DDX1: variants seen among roughly 807,000 people sequenced by gnomAD.
DDX1 encodes ATP-dependent RNA helicase DDX1.
DDX1 carries 28 observed loss-of-function variants against 108.7 expected under a neutral mutation model. That is an observed-to-expected ratio of 0.26 (90% confidence interval 0.19 to 0.35). The LOEUF is 0.35. DDX1 is among the 10% of genes least tolerant of loss of function. DDX1 has a pLI of 1.00. For missense variants in DDX1, 710 were observed against 884.5 expected, an observed-to-expected ratio of 0.80 and a Z score of 2.50; for synonymous variants, 295 against 288.9, an observed-to-expected ratio of 1.02 and a Z score of -0.21.
chr2:15,619,535 C>A (rs540177630), intron 16 of DDX1, among the ~76,000 whole-genome samples: 1 of 152,214 alleles, frequency 6.6e-6, no homozygotes, highest in African/African-American at 2.4e-5. Flanking sequence ...CTGCTCCTGA[C>A]GGCCTGTTGC....
At chr2:15,614,746 A>G (rs1460026999) in intron 14 of DDX1, among the ~76,000 whole-genome samples, 1 of 152,194 alleles carries the variant, frequency 6.6e-6, no homozygotes, top group Non-Finnish European at 1.5e-5. Context: ...TTTTCTTTAT[A>G]AATTATCTAC....
Position 15,597,371 on chromosome 2 carries a change from A to G in DDX1, c.163-4A>G, listed in dbSNP as rs760094777. The G allele has an allele frequency of 1.9e-6, 3 of 1,569,492 alleles. No individual in the cohort carries two copies. The highest frequency in any genetic ancestry group is 2.6e-6 in the Non-Finnish European group (3 of 1,154,020). On this transcript the variant is annotated splice_polypyrimidine_tract_variant and splice_region_variant and intron_variant, in intron 4 of 25. Coordinates refer to ENST00000233084, the MANE Select transcript of DDX1 (RefSeq NM_004939.3). Reference sequence around the variant, plus strand: ...AATATAGATACCTTTTGTTTCTTTGATAGGCTTTTAGTATTCCAGTTATCC... The same window carrying G: ...AATATAGATACCTTTTGTTTCTTTGGTAGGCTTTTAGTATTCCAGTTATCC...
At chr2:15,596,240 G>A (rs534090418) in intron 3 of DDX1, among the ~76,000 whole-genome samples, 13 of 152,236 alleles carry the variant, frequency 8.5e-5, no homozygotes, top group Admixed American at 3.9e-4. Flanking sequence ...GCAAAACAGC[G>A]AATAGTAGAA....
At chr2:15,627,896 A>G (rs1234166082) in intron 20 of DDX1, among the ~76,000 whole-genome samples, 1 of 152,118 alleles carries the variant, frequency 6.6e-6, no homozygotes, top group African/African-American at 2.4e-5. Context: ...ATAAGTCAGT[A>G]TACCCTTCTT....
At chr2:15,625,056 G>A (rs1666078421) in intron 19 of DDX1, among the ~76,000 whole-genome samples, 2 of 152,142 alleles carry the variant, frequency 1.3e-5, no homozygotes, top group Non-Finnish European at 2.9e-5. Context: ...CACACTAAGT[G>A]TCCATCAGTA....
chr2:15,617,177 T>C, intron 14 of DDX1, 67 bp from the exon 15 acceptor site: 1 of 680,144 alleles, frequency 1.5e-6, no homozygotes. Context: ...CAGTTATTGG[T>C]TGCTATTTTA....
chr2:15,595,071 G>A (rs1665477288), intron 1 of DDX1, 74 bp from the exon 2 acceptor site: 2 of 1,176,588 alleles, frequency 1.7e-6, no homozygotes, highest in African/African-American at 3.1e-5. Flanking sequence ...CCTGTTTTAT[G>A]AATAGTAATT....
At chr2:15,606,472 G>T (rs35352575) in intron 12 of DDX1, among the ~76,000 whole-genome samples, 31,313 of 152,170 alleles carry the variant, frequency 0.21, 3,733 homozygotes, top group Admixed American at 0.27. Context: ...TTTTGGGATC[G>T]CAATCATAAC....
At position 15,593,904 on chromosome 2, in the gene DDX1, G is replaced by A. The variant is rs1665458057; in HGVS notation, c.17-1241G>A. On this transcript the variant is annotated intron_variant, in intron 1 of 25. Transcript: ENST00000233084. ...ATCCTGGCTAACACAGTGAAACCCCGTCTCTACTAAAAATATGAAAAAAAA... is the reference window on the plus strand; with the variant it reads ...ATCCTGGCTAACACAGTGAAACCCCATCTCTACTAAAAATATGAAAAAAAA... Among the ~76,000 whole-genome samples the A allele has an allele frequency of 2.0e-5, 3 of 151,842 alleles. No individual in the cohort carries two copies. The South Asian group carries it at 6.2e-4, about 32-fold the overall frequency.
At position 15,607,170 on chromosome 2, in the gene DDX1, C is replaced by T; in HGVS notation, c.818-5C>T. 3.1e-6 allele frequency: 5 copies of T among 1,613,036 alleles called. No individual in the cohort carries two copies. The highest frequency in any genetic ancestry group is 4.2e-6 in the Non-Finnish European group (5 of 1,179,452). On this transcript the variant is annotated splice_polypyrimidine_tract_variant and splice_region_variant and intron_variant, in intron 12 of 25. Transcript: ENST00000233084. ...AATGTGTTCTCATCTTTTTTATTCC[C>T]TAAGGTAATGCACAGGTGACACAAA...
chr2:15,601,116 T>C (rs951667598), intron 6 of DDX1, among the ~76,000 whole-genome samples: 2 of 152,126 alleles, frequency 1.3e-5, no homozygotes, highest in African/African-American at 4.8e-5. Context: ...GAGAAATAAA[T>C]AAACTCCATT....
chr2:15,616,445 A>G (rs936766404), intron 14 of DDX1, among the ~76,000 whole-genome samples: 3 of 152,206 alleles, frequency 2.0e-5, no homozygotes, highest in Non-Finnish European at 4.4e-5. Flanking sequence ...GTGTCTAATC[A>G]CCATACCTAT....
At position 15,626,590 on chromosome 2, in the gene DDX1, A is replaced by G. The variant is rs561470814; in HGVS notation, c.1595-464A>G. On this transcript the variant is annotated intron_variant, in intron 19 of 25. Transcript: ENST00000233084. Reference sequence around the variant, plus strand: ...TTGCTGCTTTGAATCTTCTGTGGCCATGAAACTAGATAACTATGTTGCTTA... The same window carrying G: ...TTGCTGCTTTGAATCTTCTGTGGCCGTGAAACTAGATAACTATGTTGCTTA... Among the ~76,000 whole-genome samples, 6 of 152,262 alleles carry G rather than the reference A, an allele frequency of 3.9e-5. No homozygotes were observed. The South Asian group carries it at 1.2e-3, about 32-fold the overall frequency.
intron 5 of DDX1, among the ~76,000 whole-genome samples, chr2:15,599,325 G>C (rs1665550310): frequency 6.9e-6 from 1 of 144,272 alleles, no homozygotes; most frequent in Admixed American, 7.0e-5. Context: ...ATTTATTTTT[G>C]AGATGGAGTC....
intron 19 of DDX1, among the ~76,000 whole-genome samples, chr2:15,625,245 T>A (rs906680464): frequency 2.0e-5 from 3 of 152,064 alleles, no homozygotes; most frequent in Non-Finnish European, 2.9e-5. Flanking sequence ...ATGACATTTT[T>A]AAAAAGTCAG....
chr2:15,594,655 G>A (rs899487882), intron 1 of DDX1, among the ~76,000 whole-genome samples: 2 of 152,158 alleles, frequency 1.3e-5, no homozygotes, highest in Admixed American at 6.5e-5. Context: ...CTCGCCACTT[G>A]TCTATTCATT....
intron 1 of DDX1, among the ~76,000 whole-genome samples, chr2:15,594,739 T>C (rs1239152567): frequency 6.6e-6 from 1 of 152,236 alleles, no homozygotes; most frequent in African/African-American, 2.4e-5. Flanking sequence ...TGTCTCTAAA[T>C]GCAACAACCC....
At position 15,613,282 on chromosome 2, in the gene DDX1, G is replaced by A. The variant is rs1665833158; in HGVS notation, c.1015G>A (p.Gly339Arg). 4 of 1,601,400 alleles carry A rather than the reference G, an allele frequency of 2.5e-6. No individual in the cohort carries two copies. The South Asian group carries it at 3.4e-5, about 14-fold the overall frequency. Residue 339 changes from glycine (G) to arginine (R), a missense_variant and splice_region_variant, in exon 14 of 26, where the codon GGA (glycine) becomes AGA (arginine). Coordinates refer to ENST00000233084, the MANE Select transcript of DDX1 (RefSeq NM_004939.3). ...ARDQLSVLEN[G>R]VDIVVGTPGR... ...GGATCAGCTCTCTGTTTTGGAAAAT[G>A]GAGTAAGTTGTAGTTTTAATTTTTA...
chr2:15,612,002 C>T (rs1216099736), intron 13 of DDX1, among the ~76,000 whole-genome samples: 8 of 142,208 alleles, frequency 5.6e-5, no homozygotes, highest in South Asian at 2.3e-4. Context: ...GGCGGCTGGC[C>T]GGGCAGAGGG....
Sources: gnomAD v4.1 joint callset for allele counts (sites outside exome capture counted in the v4.1 genomes callset) on GRCh38, gnomAD v4.1.1 for gene constraint, MANE v1.5 for transcripts, NCBI Gene and HGNC (gene_info 2026-07-23, HGNC 2026-07-21) for gene names.